CUBN: variants seen among roughly 807,000 people sequenced by gnomAD.
The protein encoded by CUBN is 460 kDa receptor.
Under a neutral mutation model 405.3 loss-of-function variants are expected in CUBN, and 282 were observed. That is an observed-to-expected ratio of 0.70 (90% CI 0.63 to 0.77). The LOEUF is 0.77. Ranked by LOEUF, CUBN falls within the 30% of genes least tolerant of loss-of-function variation. The pLI is 0.00. For missense variants in CUBN, 4,514 were observed against 4,475.2 expected, an observed-to-expected ratio of 1.01 and a Z score of -0.25; for synonymous variants, 1,684 against 1,617.0, an observed-to-expected ratio of 1.04 and a Z score of -0.99.
chr10:16,925,109 A>T lies in CUBN; in HGVS notation c.6646+132T>A, dbSNP rs1339485187. 30 of 684,644 alleles carry T rather than the reference A, an allele frequency of 4.4e-5. No individual in the cohort carries two copies. In the Admixed American group the frequency reaches 6.0e-4, roughly 14 times the overall value. 42.4% of individuals were successfully genotyped at this position (684,644 alleles called of 1,614,324 possible). ...TCACGATGAGATATTGAATGTATCA[A>T]ATATAATAAGTACTTGAGAGTAGGC... is the stretch of plus-strand genomic sequence containing the variant. On this transcript the variant is annotated intron_variant, in intron 43 of 66. Coordinates refer to ENST00000377833, the MANE Select transcript of CUBN (RefSeq NM_001081.4).
rs376017567 is a variant in CUBN at position 16,906,181 on chromosome 10, C to T, written c.7912+22G>A. The T allele has an allele frequency of 4.9e-5, 75 of 1,523,720 alleles. No individual in the cohort carries two copies. In the Middle Eastern group the frequency reaches 5.1e-4, roughly 10 times the overall value. The allele number at this position is 1,523,720 out of a possible 1,614,324, so 94.4% of individuals were successfully genotyped here. ...AGAATATTGTAGATAAATGGGAAAA[C>T]GCATTCTTAGATAGAACTCACCCAC... is the stretch of plus-strand genomic sequence containing the variant. On this transcript the variant is annotated intron_variant, in intron 50 of 66. Transcript: ENST00000377833.
At chr10:16,991,116 G>A (rs1196293389) in intron 28 of CUBN, among the ~76,000 whole-genome samples, 1 of 152,174 alleles carries the variant, frequency 6.6e-6, no homozygotes, top group African/African-American at 2.4e-5. Context: ...AAAGACAACA[G>A]CATGTGTTTC....
At chr10:17,093,417 C>A (rs1162015026) in intron 14 of CUBN, among the ~76,000 whole-genome samples, 1 of 152,022 alleles carries the variant, frequency 6.6e-6, no homozygotes. Flanking sequence ...TGAATTGAAA[C>A]GTGAGAAAAG....
chr10:16,936,944 C>T (rs1162993282), intron 39 of CUBN, among the ~76,000 whole-genome samples: 6 of 151,946 alleles, frequency 3.9e-5, no homozygotes, highest in African/African-American at 1.2e-4. Context: ...CTCGAACTCC[C>T]GACCACAAGT....
chr10:17,059,996 G>A (rs1479062617), intron 22 of CUBN, among the ~76,000 whole-genome samples: 1 of 152,012 alleles, frequency 6.6e-6, no homozygotes, highest in East Asian at 1.9e-4. Context: ...GTGTAGATGA[G>A]AGATCTCAGG....
intron 59 of CUBN, among the ~76,000 whole-genome samples, chr10:16,861,706 C>T (rs113442515): frequency 1.3e-5 from 2 of 152,232 alleles, no homozygotes; most frequent in East Asian, 3.9e-4. Flanking sequence ...TCCACGTTTA[C>T]CCTCTTACCC....
intron 15 of CUBN, 143 bp from the exon 16 acceptor site, chr10:17,085,902 T>G (rs190067405): frequency 4.1e-6 from 3 of 737,336 alleles, no homozygotes; most frequent in Non-Finnish European, 4.6e-6. Context: ...ATGTAACTCA[T>G]GGCTGAGGTT....
intron 28 of CUBN, among the ~76,000 whole-genome samples, chr10:17,000,557 A>G (rs1251914955): frequency 6.6e-6 from 1 of 152,220 alleles, no homozygotes; most frequent in Non-Finnish European, 1.5e-5. Context: ...TTTTAAAAAC[A>G]TTTATTATTA....
intron 28 of CUBN, among the ~76,000 whole-genome samples, chr10:17,017,438 G>A (rs916008590): frequency 6.6e-6 from 1 of 152,130 alleles, no homozygotes; most frequent in Non-Finnish European, 1.5e-5. Context: ...GCATTCTCTT[G>A]TTAGTACTGG....
intron 27 of CUBN, among the ~76,000 whole-genome samples, chr10:17,028,240 T>C (rs992152689): frequency 2.7e-5 from 4 of 149,276 alleles, no homozygotes; most frequent in Non-Finnish European, 5.9e-5. Flanking sequence ...TTATTATTAT[T>C]ATTATTATTA....
chr10:17,037,496 T>C (rs1005694308), intron 27 of CUBN, among the ~76,000 whole-genome samples: 2 of 152,216 alleles, frequency 1.3e-5, no homozygotes, highest in Non-Finnish European at 2.9e-5. Context: ...TTAGCTACAA[T>C]AAACCCCATT....
intron 29 of CUBN, among the ~76,000 whole-genome samples, chr10:16,985,583 A>G (rs1833393912): frequency 6.6e-6 from 1 of 152,198 alleles, no homozygotes; most frequent in South Asian, 2.1e-4. Flanking sequence ...GGCAGAGCTA[A>G]AAGAATACTG....
At chr10:16,901,263 G>T in intron 52 of CUBN, 75 bp downstream of exon 52, 1 of 1,596,122 alleles carries the variant, frequency 6.3e-7, no homozygotes, top group Admixed American at 1.7e-5. Flanking sequence ...TAATAAAAGA[G>T]CTCCATTTTC....
chr10:16,997,295 C>A (rs897423336), intron 28 of CUBN, among the ~76,000 whole-genome samples: 4 of 151,898 alleles, frequency 2.6e-5, no homozygotes, highest in Admixed American at 2.6e-4. Flanking sequence ...ATTAGCTGGG[C>A]GTGGTGGCAG....
At chr10:16,846,271 A>G (rs1839505474) in intron 60 of CUBN, among the ~76,000 whole-genome samples, 1 of 152,234 alleles carries the variant, frequency 6.6e-6, no homozygotes, top group African/African-American at 2.4e-5. Context: ...AATATAACCC[A>G]CCCGTATTTG....
intron 4 of CUBN, among the ~76,000 whole-genome samples, chr10:17,123,958 T>A (rs1012520515): frequency 6.6e-6 from 1 of 152,198 alleles, no homozygotes; most frequent in African/African-American, 2.4e-5. Context: ...GATTCTCACT[T>A]TGTCTTGGAA....
chr10:17,089,071 G>C (rs1836193796), intron 14 of CUBN, among the ~76,000 whole-genome samples: 1 of 152,066 alleles, frequency 6.6e-6, no homozygotes, highest in Non-Finnish European at 1.5e-5. Context: ...TAAATCAAAT[G>C]ACAGAAACAC....
chr10:17,082,584 G>T (rs569687234), intron 17 of CUBN, among the ~76,000 whole-genome samples: 18 of 152,204 alleles, frequency 1.2e-4, no homozygotes, highest in African/African-American at 3.9e-4. Context: ...GAAAATTATA[G>T]TTACATTCTT....
chr10:16,831,602 C>G (rs559936302), intron 64 of CUBN, among the ~76,000 whole-genome samples, 185 bp from the exon 65 acceptor site: 2 of 152,284 alleles, frequency 1.3e-5, no homozygotes, highest in African/African-American at 4.8e-5. Context: ...GAAAAATGTT[C>G]CACGTGTAGA....
Sources: allele counts gnomAD v4.1 joint callset (sites outside exome capture counted in the v4.1 genomes callset), GRCh38; gene constraint gnomAD v4.1.1; transcripts MANE v1.5; gene names NCBI Gene and HGNC (gene_info 2026-07-23, HGNC 2026-07-21).